Variants in GPM6A observed in about 807,000 individuals in gnomAD.
GPM6A encodes the protein neuronal membrane glycoprotein M6-a.
GPM6A carries 7 observed loss-of-function variants against 32.1 expected under a neutral mutation model. The observed-to-expected ratio is 0.22, with a 90% CI of 0.12 to 0.41. The LOEUF (loss-of-function observed/expected upper bound fraction) is 0.41, where lower values mean the gene tolerates loss of function less well. Ranked by LOEUF, GPM6A falls within the 10% of genes least tolerant of loss-of-function variation. The pLI, the probability that GPM6A is intolerant of heterozygous loss-of-function variation, is 1.00. For missense variants in GPM6A, 235 were observed against 347.2 expected (o/e 0.68, Z 2.57); for synonymous variants, 130 against 123.4 (o/e 1.05, Z -0.35).
intron 1 of GPM6A, among the ~76,000 whole-genome samples, chr4:175,802,885 T>A (rs1734527632): frequency 1.3e-5 from 2 of 151,820 alleles, no homozygotes; most frequent in Admixed American, 1.3e-4. Flanking sequence ...AAAAAGAAAA[T>A]CTATTCATTT....
intron 1 of GPM6A, among the ~76,000 whole-genome samples, chr4:175,988,498 C>T (rs375048972): frequency 1.3e-5 from 2 of 152,218 alleles, no homozygotes; most frequent in South Asian, 2.1e-4. Context: ...ACTAAAGAAC[C>T]TTATTTGAGA....
chr4:175,760,690 A>G (rs775557155), intron 1 of GPM6A, among the ~76,000 whole-genome samples: 3 of 152,162 alleles, frequency 2.0e-5, no homozygotes, highest in African/African-American at 4.8e-5. Flanking sequence ...TTATAAAACT[A>G]GAGCTCCCTG....
intron 1 of GPM6A, among the ~76,000 whole-genome samples, chr4:175,887,842 A>C (rs758542229): frequency 6.6e-6 from 1 of 151,978 alleles, no homozygotes; most frequent in African/African-American, 2.4e-5. Context: ...TCAATAATCA[A>C]TAGTTAAAAA....
chr4:175,667,969 C>T (rs1560862648), intron 3 of GPM6A, among the ~76,000 whole-genome samples: 1 of 152,014 alleles, frequency 6.6e-6, no homozygotes, highest in Non-Finnish European at 1.5e-5. Context: ...TGAGAAGCAT[C>T]CACATGTTGC....
chr4:175,896,297 C>G (rs1389741298), intron 1 of GPM6A, among the ~76,000 whole-genome samples: 1 of 152,052 alleles, frequency 6.6e-6, no homozygotes, highest in Non-Finnish European at 1.5e-5. Flanking sequence ...TTCCTCAGGC[C>G]ACAAAGTTCT....
intron 1 of GPM6A, among the ~76,000 whole-genome samples, chr4:175,835,625 G>GTA (rs1428760189): frequency 4.5e-5 from 5 of 110,872 alleles, no homozygotes; most frequent in African/African-American, 1.2e-4. Flanking sequence ...GTGTGAGTGT[G>GTA]TGTATATATA....
chr4:175,656,210 T>A (rs1742076602), intron 3 of GPM6A, among the ~76,000 whole-genome samples: 1 of 152,120 alleles, frequency 6.6e-6, no homozygotes, highest in Non-Finnish European at 1.5e-5. Context: ...TTTGAATTAG[T>A]TAATTCATTG....
chr4:175,894,914 TTC>T (rs1378042167), intron 1 of GPM6A, among the ~76,000 whole-genome samples: 2 of 152,158 alleles, frequency 1.3e-5, no homozygotes, highest in East Asian at 3.9e-4. Flanking sequence ...TTTAAACCCA[TTC>T]TCTGTTTCTA....
chr4:175,954,951 G>C (rs572018360), intron 1 of GPM6A, among the ~76,000 whole-genome samples: 1 of 152,196 alleles, frequency 6.6e-6, no homozygotes, highest in Non-Finnish European at 1.5e-5. Flanking sequence ...TAATACTTAA[G>C]TCAAAGGACC....
intron 2 of GPM6A, among the ~76,000 whole-genome samples, chr4:175,683,688 G>T (rs563689088): frequency 3.3e-5 from 5 of 152,038 alleles, no homozygotes; most frequent in Admixed American, 1.3e-4. Flanking sequence ...TCCCTCTCTT[G>T]CTCCTGCTCT....
At chr4:175,996,579 G>C (rs951668437) in intron 1 of GPM6A, among the ~76,000 whole-genome samples, 3 of 152,160 alleles carry the variant, frequency 2.0e-5, no homozygotes, top group Non-Finnish European at 2.9e-5. Flanking sequence ...AGGAAGATTA[G>C]CTGATTTTAT....
chr4:175,634,781 A>T lies in GPM6A; in HGVS notation c.*124T>A, dbSNP rs568719943. On this transcript the variant is annotated 3_prime_UTR_variant, in exon 7 of 7. Coordinates refer to ENST00000393658, the MANE Select transcript of GPM6A (RefSeq NM_201591.3). ...ACAAAGAATTGTACTCAGGTGATTCATAAGTCACCTTACATATCATTGATG... is the reference window on the plus strand; with the variant it reads ...ACAAAGAATTGTACTCAGGTGATTCTTAAGTCACCTTACATATCATTGATG... The T allele has an allele frequency of 7.2e-5, 49 of 682,102 alleles. No homozygotes were observed. Among genetic ancestry groups the T allele is most frequent in the Non-Finnish European group, 9.8e-5 (39 of 399,710 alleles). The allele number at this position is 682,102 out of a possible 1,614,324, so 42.3% of individuals were successfully genotyped here.
Position 175,763,742 on chromosome 4 carries a change from T to TA in GPM6A, c.37+48448dup, listed in dbSNP as rs150126325. On this transcript the variant is annotated intron_variant, in intron 1 of 6. Transcript: ENST00000393658. The stretch of plus-strand genomic sequence containing the variant: ...TCTACTATCAGAAAACAGGCTTTTT[T>TA]AAAAAAACAGTCTTCTATATATCCA... Among the ~76,000 whole-genome samples the TA allele has an allele frequency of 8.2e-3, 1,242 of 152,180 alleles. 43 individuals are homozygous for TA. In the East Asian group the frequency reaches 0.099, roughly 12 times the overall value.
At chr4:175,825,490 A>C (rs1579543721) in intron 1 of GPM6A, among the ~76,000 whole-genome samples, 1 of 152,256 alleles carries the variant, frequency 6.6e-6, no homozygotes, top group Non-Finnish European at 1.5e-5. Context: ...TCAGAAGAGG[A>C]ATGTAAGAGG....
At chr4:175,945,334 A>G (rs1739555604) in intron 1 of GPM6A, among the ~76,000 whole-genome samples, 1 of 152,170 alleles carries the variant, frequency 6.6e-6, no homozygotes, top group Admixed American at 6.6e-5. Flanking sequence ...GTACAAACAA[A>G]TATTTAATTT....
intron 6 of GPM6A, among the ~76,000 whole-genome samples, chr4:175,638,294 A>G (rs1740932712): frequency 6.6e-6 from 1 of 152,008 alleles, no homozygotes; most frequent in South Asian, 2.1e-4. Context: ...AGCAGTAGTT[A>G]TATTTTACCT....
intron 2 of GPM6A, among the ~76,000 whole-genome samples, chr4:175,689,445 CG>C (rs574130652): frequency 5.3e-4 from 69 of 128,992 alleles, no homozygotes; most frequent in African/African-American, 1.6e-3. Context: ...TTATTTATAG[CG>C]TTTTTTTTTT....
At position 175,714,239 on chromosome 4, in the gene GPM6A, G is replaced by T. The variant is rs142673148; in HGVS notation, c.38-12472C>A. Among the ~76,000 whole-genome samples, 1,042 of 152,186 alleles carry T rather than the reference G, an allele frequency of 6.8e-3. 10 individuals are homozygous for T. The highest frequency in any genetic ancestry group is 0.023 in the African/African-American group (940 of 41,534). On this transcript the variant is annotated intron_variant, in intron 1 of 6. Transcript: ENST00000393658. The stretch of plus-strand genomic sequence containing the variant: ...AAAAGTATTTGATAAACCAGGATAT[G>T]CATGTTAATACAAAGATAAGGAATT...
At chr4:175,748,670 A>T (rs1003602994) in intron 1 of GPM6A, among the ~76,000 whole-genome samples, 2 of 152,154 alleles carry the variant, frequency 1.3e-5, no homozygotes, top group African/African-American at 2.4e-5. Context: ...TTTTGGAGTG[A>T]TAAATAAACA....
Sources: allele counts gnomAD v4.1 joint callset (sites outside exome capture counted in the v4.1 genomes callset), GRCh38; gene constraint gnomAD v4.1.1; transcripts MANE v1.5; gene names NCBI Gene and HGNC (gene_info 2026-07-23, HGNC 2026-07-21).